CNOT1: variants seen among roughly 807,000 people sequenced by gnomAD.
CNOT1 encodes the protein CCR4-NOT transcription complex subunit 1.
Under a neutral mutation model 273.8 loss-of-function variants are expected in CNOT1, and 15 were observed. That is an observed-to-expected ratio of 0.05 (90% CI 0.04 to 0.08). CNOT1 has a LOEUF of 0.08. Ranked by LOEUF, CNOT1 falls within the 10% of genes least tolerant of loss-of-function variation. The pLI is 1.00. For synonymous variants in CNOT1, 1,022 were observed against 1,005.5 expected (o/e 1.02, Z -0.31); for missense variants, 1,644 against 2,912.2 (o/e 0.56, Z 10.02).
intron 44 of CNOT1, among the ~76,000 whole-genome samples, chr16:58,526,901 T>C (rs1274566976): frequency 6.6e-6 from 1 of 150,926 alleles, no homozygotes; most frequent in Non-Finnish European, 1.5e-5. Flanking sequence ...TCTAGTGGTG[T>C]GCACCTCTAG....
At chr16:58,596,690 A>T (rs1169097799) in intron 2 of CNOT1, among the ~76,000 whole-genome samples, 3 of 151,896 alleles carry the variant, frequency 2.0e-5, no homozygotes, top group East Asian at 1.9e-4. Context: ...GATTGAGACC[A>T]TCCTGGCTAA....
At chr16:58,562,954 G>T (rs563805410) in intron 16 of CNOT1, among the ~76,000 whole-genome samples, 2 of 152,186 alleles carry the variant, frequency 1.3e-5, no homozygotes, top group South Asian at 2.1e-4. Flanking sequence ...TTTCACATTT[G>T]GGGGGAAAAA....
rs780113516 is a variant in CNOT1, at chr16:58,520,934, C to A, written c.*24G>T. ...GTGCAGTGAGACCTCTAGACTGACACGTACAACAGAGATGCAGTTTCGTCT... is the reference window on the plus strand; with the variant it reads ...GTGCAGTGAGACCTCTAGACTGACAAGTACAACAGAGATGCAGTTTCGTCT... On this transcript the variant is annotated 3_prime_UTR_variant, in exon 49 of 49. Transcript: ENST00000317147. The A allele has an allele frequency of 5.6e-6, 9 of 1,608,824 alleles. No homozygotes were observed. The highest frequency in any genetic ancestry group is 6.8e-6 in the Non-Finnish European group (8 of 1,178,142).
At chr16:58,589,356 T>C (rs2041976071) in intron 2 of CNOT1, among the ~76,000 whole-genome samples, 1 of 152,052 alleles carries the variant, frequency 6.6e-6, no homozygotes, top group Non-Finnish European at 1.5e-5. Flanking sequence ...CTACTAAATA[T>C]ACAAAAATTA....
intron 1 of CNOT1, among the ~76,000 whole-genome samples, chr16:58,626,686 G>A (rs2043598907): frequency 1.3e-5 from 2 of 151,862 alleles, no homozygotes; most frequent in South Asian, 2.1e-4. Flanking sequence ...CTTGAACCCA[G>A]GAGGCGGAGG....
rs2151984285 is a variant in CNOT1 at position 58,586,574 on chromosome 16, A to G, written c.608T>C (p.Ile203Thr). Residue 203 changes from isoleucine (I) to threonine (T), a missense_variant, in exon 7 of 49, where the codon ATA becomes ACA. Physicochemically the swap from Ile to Thr is moderately conservative, Grantham distance 89. Coordinates refer to ENST00000317147, the MANE Select transcript of CNOT1 (RefSeq NM_016284.5). ...KGAFGVGQEQ[I>T]DAFLKTLRRD... is the part of the protein sequence containing the mutation. ...GCGCAGCGTCTTAAGAAAAGCGTCT[A>G]TCTGTTCTTGTCCAACTCCAAAGGC... is the stretch of plus-strand genomic sequence containing the variant. 6.2e-7 allele frequency: 1 copy of G among 1,611,682 alleles called. No individual in the cohort carries two copies. Among genetic ancestry groups the G allele is most frequent in the Non-Finnish European group, 8.5e-7 (1 of 1,179,498 alleles).
chr16:58,574,910 A>C lies in CNOT1; in HGVS notation c.1827+97T>G. ...AGTTGTTTCTTTCAAATTTTTCTTT[A>C]GTTTATTACTGCTGCACAAATTTTA... On this transcript the variant is annotated intron_variant, in intron 15 of 48. Coordinates refer to ENST00000317147, the MANE Select transcript of CNOT1 (RefSeq NM_016284.5). The C allele has an allele frequency of 3.2e-6, 5 of 1,558,770 alleles. 1 individual carries two copies. In the South Asian group the frequency reaches 6.1e-5, roughly 19 times the overall value.
chr16:58,573,479 T>A (rs2041353374), intron 16 of CNOT1, among the ~76,000 whole-genome samples: 1 of 64,242 alleles, frequency 1.6e-5, no homozygotes, highest in Non-Finnish European at 2.7e-5. Context: ...GTTTTGCAAT[T>A]TTTTTTTTTT....
chr16:58,521,972 A>C (rs1437843733), intron 47 of CNOT1, among the ~76,000 whole-genome samples: 1 of 152,078 alleles, frequency 6.6e-6, no homozygotes. Flanking sequence ...TAAATTAAAT[A>C]AATAAATAAG....
intron 23 of CNOT1, 52 bp from the exon 24 acceptor site, chr16:58,551,324 G>GA (rs760533416): frequency 4.0e-6 from 6 of 1,508,008 alleles, no homozygotes; most frequent in Admixed American, 2.3e-5. Context: ...ATGCTTCCCT[G>GA]AAAAAAATCC....
At chr16:58,567,435 C>A (rs1405385221) in intron 16 of CNOT1, among the ~76,000 whole-genome samples, 1 of 149,166 alleles carries the variant, frequency 6.7e-6, no homozygotes, top group African/African-American at 2.5e-5. Context: ...CCATCCTGGG[C>A]AACATGGTGA....
rs754563044 is a variant in CNOT1 at position 58,543,906 on chromosome 16, G to A, written c.4138-3C>T. The A allele has an allele frequency of 2.5e-6, 4 of 1,592,042 alleles. No individual in the cohort carries two copies. The highest frequency in any genetic ancestry group is 2.3e-5 in the South Asian group (2 of 88,792). On this transcript the variant is annotated splice_region_variant and splice_polypyrimidine_tract_variant and intron_variant, in intron 30 of 48. Transcript: ENST00000317147. ...GGATGGGCCTGAAACAAGGGAATCTGGGGGGTTGGGGAGGACAAAGTCAAC... is the reference window on the plus strand; with the variant it reads ...GGATGGGCCTGAAACAAGGGAATCTAGGGGGTTGGGGAGGACAAAGTCAAC...
At chr16:58,551,419 T>C in intron 23 of CNOT1, 147 bp from the exon 24 acceptor site, 1 of 1,198,130 alleles carries the variant, frequency 8.3e-7, no homozygotes, top group African/African-American at 1.5e-5. Flanking sequence ...GAACTATTAA[T>C]ATGTTTGCCT....
In CNOT1 at chr16:58,560,252, G is replaced by C. The variant is rs2040786537; in HGVS notation, c.2090C>G (p.Pro697Arg). ...PPPGVMPKGR[P>R]PSASSLDAIS... ...GGCATCTAAGCTGCTAGCACTAGGA[G>C]GACGTCCTTTTGGCATAACTCCAGG... Residue 697 changes from proline (P) to arginine (R), a missense_variant, in exon 17 of 49, where the codon CCT becomes CGT. Physicochemically the swap from Pro to Arg is moderately radical, Grantham distance 103. Coordinates refer to ENST00000317147, the MANE Select transcript of CNOT1 (RefSeq NM_016284.5). 1 of 1,613,986 alleles carries C rather than the reference G, an allele frequency of 6.2e-7. No homozygotes were observed. The highest frequency in any genetic ancestry group is 1.3e-5 in the African/African-American group (1 of 74,918).
chr16:58,549,270 G>C (rs1458338948), intron 25 of CNOT1, among the ~76,000 whole-genome samples: 1 of 132,730 alleles, frequency 7.5e-6, no homozygotes, highest in African/African-American at 2.9e-5. Context: ...CTAAGCAACA[G>C]AGTGAGACCA....
rs56180546 is a variant in CNOT1 at position 58,554,935 on chromosome 16, C to CAAAAAAAAAAAAA, written c.2891+303_2891+315dup. On this transcript the variant is annotated intron_variant, in intron 21 of 48. Transcript: ENST00000317147. ...TGGGGGACAGAGCAAGACTCCATCT[C>CAAAAAAAAAAAAA]AAAAAAAAAAAAAAAAAAGCTTCAG... Among the ~76,000 whole-genome samples, 105 of 78,846 alleles carry CAAAAAAAAAAAAA rather than the reference C, an allele frequency of 1.3e-3. 2 individuals are homozygous for CAAAAAAAAAAAAA. The highest frequency in any genetic ancestry group is 2.6e-3 in the African/African-American group (52 of 19,968). The allele number at this position is 78,846 out of a possible 152,430, so 51.7% of individuals were successfully genotyped here.
At chr16:58,573,728 G>A (rs1425997879) in intron 16 of CNOT1, among the ~76,000 whole-genome samples, 5 of 151,894 alleles carry the variant, frequency 3.3e-5, no homozygotes, top group East Asian at 1.9e-4. Flanking sequence ...TGATTCGCCC[G>A]CCTCGGCCTC....
At chr16:58,610,851 A>G (rs935860509) in intron 1 of CNOT1, among the ~76,000 whole-genome samples, 1 of 150,524 alleles carries the variant, frequency 6.6e-6, no homozygotes, top group Non-Finnish European at 1.5e-5. Flanking sequence ...TCAAAAAAAC[A>G]TAAAACAAAC....
chr16:58,588,412 G>C (rs1266576505), intron 3 of CNOT1, among the ~76,000 whole-genome samples: 1 of 152,028 alleles, frequency 6.6e-6, no homozygotes, highest in Non-Finnish European at 1.5e-5. Context: ...AAAACTTCCA[G>C]AAAATAAGAG....
Sources: allele counts gnomAD v4.1 joint callset (sites outside exome capture counted in the v4.1 genomes callset), GRCh38; gene constraint gnomAD v4.1.1; transcripts MANE v1.5; gene names NCBI Gene and HGNC (gene_info 2026-07-23, HGNC 2026-07-21).